RNF43: variants seen among roughly 807,000 people sequenced by gnomAD.
RNF43 encodes ring finger protein 43.
A neutral mutation model predicts 78.4 loss-of-function variants in RNF43; 37 were observed. The ratio of observed to expected loss-of-function variants is 0.47; its 90% CI spans 0.36 to 0.62. The LOEUF (loss-of-function observed/expected upper bound fraction) is 0.62, where lower values mean the gene tolerates loss of function less well. RNF43 is among the 20% of genes least tolerant of loss of function. RNF43 has a pLI of 0.00. For missense variants in RNF43, 774 were observed against 1,007.9 expected, an observed-to-expected ratio of 0.77 and a Z score of 3.14; for synonymous variants, 347 against 395.0, an observed-to-expected ratio of 0.88 and a Z score of 1.44.
Position 58,357,619 on chromosome 17 carries a change from G to A in RNF43, c.2157C>T (p.Tyr719=), listed in dbSNP as rs969759215. 2 of 1,614,112 alleles carry A rather than the reference G, an allele frequency of 1.2e-6. No individual in the cohort carries two copies. The highest frequency in any genetic ancestry group is 1.3e-5 in the African/African-American group (1 of 75,060). Residue 719 remains tyrosine, a synonymous_variant, in exon 9 of 10, where the codon TAC becomes TAT. Transcript: ENST00000407977. This position sits in a 1 kb window ranked among gnomAD's most constrained non-coding sequence, Gnocchi z 4.5. ...RLLPETPGPC[Y]SNSQPVWLCL... ...ACAACCACACTGGCTGTGAATTTGA[G>A]TAACAGGGGCCTGGGGTTTCTGGTA...
chr17:58,392,643 A>G (rs1973584575), intron 2 of RNF43, among the ~76,000 whole-genome samples: 1 of 152,246 alleles, frequency 6.6e-6, no homozygotes, highest in Non-Finnish European at 1.5e-5. Flanking sequence ...TTATCTCCAT[A>G]CACAGCCTAA....
rs1396358513 is a variant in RNF43, at chr17:58,370,861, C to G, written c.375+50G>C. On this transcript the variant is annotated intron_variant, in intron 3 of 9. Transcript: ENST00000407977. ...AGAGAGCACAGGGTCTTCTCACAGCCCAGAGCTGGGTGAAGCTCCGGGTGT... is the reference window on the plus strand; with the variant it reads ...AGAGAGCACAGGGTCTTCTCACAGCGCAGAGCTGGGTGAAGCTCCGGGTGT... 3 of 1,506,406 alleles carry G rather than the reference C, an allele frequency of 2.0e-6. No homozygotes were observed. The South Asian group carries it at 4.0e-5, about 20-fold the overall frequency. 93.3% of individuals were successfully genotyped at this position (1,506,406 alleles called of 1,614,324 possible). A position where few individuals can be genotyped will look rare whatever the true frequency, so the allele number is the denominator to read the frequency against.
At position 58,415,544 on chromosome 17, in the gene RNF43, G is replaced by C; in HGVS notation, c.34C>G (p.Leu12Val). ...GTAGCCATCAGCAGCCAGGGCCAGA[G>C]GGCAGCCAGCTGCAGCTGGTGGCCA... ...SGGHQLQLAA[L>V]WPWLLMATLQ... Residue 12 changes from leucine (L) to valine (V), a missense_variant, in exon 2 of 10, where the codon CTC becomes GTC. Coordinates refer to ENST00000407977, the MANE Select transcript of RNF43 (RefSeq NM_017763.6). 1 of 1,610,392 alleles carries C rather than the reference G, an allele frequency of 6.2e-7. No individual in the cohort carries two copies. The highest frequency in any genetic ancestry group is 8.5e-7 in the Non-Finnish European group (1 of 1,180,002).
At chr17:58,363,479 T>C (rs754553091) in intron 4 of RNF43, 47 bp downstream of exon 4, 1 of 1,612,536 alleles carries the variant, frequency 6.2e-7, no homozygotes, top group Non-Finnish European at 8.5e-7. Context: ...GAGCTTTATC[T>C]TCCTCCATCC....
chr17:58,377,596 TCTC>T (rs1387229178), intron 2 of RNF43, among the ~76,000 whole-genome samples: 1 of 152,008 alleles, frequency 6.6e-6, no homozygotes, highest in Non-Finnish European at 1.5e-5. Context: ...ATCCATGGCA[TCTC>T]CTCCTCTTTG....
intron 2 of RNF43, among the ~76,000 whole-genome samples, chr17:58,375,667 G>A (rs760546453): frequency 6.6e-6 from 1 of 152,294 alleles, no homozygotes; most frequent in African/African-American, 2.4e-5. Flanking sequence ...GGTTGCTCTG[G>A]GAGAGGAATT....
At chr17:58,362,500 C>T (rs753599929) in intron 6 of RNF43, 44 bp downstream of exon 6, 1 of 1,449,058 alleles carries the variant, frequency 6.9e-7, no homozygotes, top group Non-Finnish European at 9.5e-7. Context: ...CCCACCCACA[C>T]ACACGCACAC....
intron 2 of RNF43, among the ~76,000 whole-genome samples, chr17:58,391,622 C>T (rs1306073596): frequency 6.6e-6 from 1 of 152,198 alleles, no homozygotes; most frequent in African/African-American, 2.4e-5. Flanking sequence ...GTCGTTTGAA[C>T]TGTTTACAGG....
intron 3 of RNF43, among the ~76,000 whole-genome samples, chr17:58,370,533 G>C (rs1973070136): frequency 6.6e-6 from 1 of 152,180 alleles, no homozygotes; most frequent in Middle Eastern, 3.2e-3. Flanking sequence ...TTTTAAGGGT[G>C]GGGCAATGGT....
Position 58,360,928 on chromosome 17 carries a change from C to A in RNF43, c.704G>T (p.Arg235Ile). 1 of 1,593,624 alleles carries A rather than the reference C, an allele frequency of 6.3e-7. No homozygotes were observed. Among genetic ancestry groups the A allele is most frequent in the South Asian group, 1.1e-5 (1 of 88,488 alleles). ...RHSRPDPLQQ[R>I]TAWAISQLAT... ...CAGCTGGCTGATGGCCCAGGCTGTT[C>A]TCTGCTGAAGCGGATCCTGGGAAGA... The change falls in exon 7 of 10, where the codon AGA becomes ATA. Residue 235 changes from arginine (R) to isoleucine (I), a missense_variant. Arg to Ile is a moderately conservative substitution (Grantham distance 97). Coordinates refer to ENST00000407977, the MANE Select transcript of RNF43 (RefSeq NM_017763.6). The surrounding 1 kb of genome is among the most constrained non-coding windows in gnomAD (Gnocchi z 4.3).
chr17:58,415,269 A>C, intron 2 of RNF43, 57 bp downstream of exon 2: 1 of 1,578,154 alleles, frequency 6.3e-7, no homozygotes, highest in Non-Finnish European at 8.7e-7. Context: ...GGGAGACAAA[A>C]GAAGAAAGAC....
At chr17:58,397,143 G>T (rs1973699894) in intron 2 of RNF43, among the ~76,000 whole-genome samples, 1 of 151,906 alleles carries the variant, frequency 6.6e-6, no homozygotes, top group Admixed American at 6.6e-5. Context: ...AAAAATAAAT[G>T]TATGTGTACA....
At chr17:58,408,580 G>A (rs1436039303) in intron 2 of RNF43, among the ~76,000 whole-genome samples, 1 of 152,142 alleles carries the variant, frequency 6.6e-6, no homozygotes, top group African/African-American at 2.4e-5. Context: ...AAAATCCTGT[G>A]TAAAGGAGCA....
chr17:58,367,387 C>T (rs1180840625), intron 3 of RNF43, among the ~76,000 whole-genome samples: 3 of 152,166 alleles, frequency 2.0e-5, no homozygotes, highest in African/African-American at 7.2e-5. Flanking sequence ...TAGTCATCAG[C>T]CCCACTTTTG....
intron 4 of RNF43, 56 bp from the exon 5 acceptor site, chr17:58,363,462 C>T (rs1972884278): frequency 6.2e-7 from 1 of 1,613,308 alleles, no homozygotes; most frequent in Non-Finnish European, 8.5e-7. Context: ...CCTTCCCTCT[C>T]CCCTGAGAGC....
intron 9 of RNF43, among the ~76,000 whole-genome samples, chr17:58,355,779 G>A (rs1972673459): frequency 6.6e-6 from 1 of 152,188 alleles, no homozygotes; most frequent in African/African-American, 2.4e-5. Flanking sequence ...TGGAGCTGTG[G>A]TGCACAACTT....
intron 9 of RNF43, among the ~76,000 whole-genome samples, chr17:58,355,902 G>A (rs1972675622): frequency 6.6e-6 from 1 of 152,234 alleles, no homozygotes; most frequent in Non-Finnish European, 1.5e-5. Flanking sequence ...CACTGGCAGG[G>A]CCATCAGTAC....
intron 2 of RNF43, among the ~76,000 whole-genome samples, chr17:58,391,325 A>C (rs931027900): frequency 6.6e-6 from 1 of 152,180 alleles, no homozygotes; most frequent in Non-Finnish European, 1.5e-5. Flanking sequence ...CCTCTCCACC[A>C]CTACCCCCAT....
At chr17:58,380,704 C>A (rs992815825) in intron 2 of RNF43, among the ~76,000 whole-genome samples, 13 of 152,242 alleles carry the variant, frequency 8.5e-5, no homozygotes, top group Admixed American at 7.9e-4. Context: ...AGAGGCCCAT[C>A]TGGACTACCG....
Sources: gnomAD v4.1 joint callset for allele counts (sites outside exome capture counted in the v4.1 genomes callset) on GRCh38, gnomAD v4.1.1 for gene constraint, Gnocchi (gnomAD v3.1) non-coding constraint, MANE v1.5 for transcripts, NCBI Gene and HGNC (gene_info 2026-07-23, HGNC 2026-07-21) for gene names.